Variants in NEK11 observed in about 807,000 individuals in gnomAD.
NEK11 encodes serine/threonine-protein kinase Nek11.
In NEK11, 72 loss-of-function variants were observed where a neutral mutation model predicts 80.7. The ratio of observed to expected loss-of-function variants is 0.89; its 90% CI spans 0.74 to 1.08. NEK11 has a LOEUF of 1.08. Ranked by LOEUF, NEK11 falls within the 50% of genes least tolerant of loss-of-function variation. NEK11 has a pLI of 0.00. For synonymous variants in NEK11, 251 were observed against 260.7 expected (o/e 0.96, Z 0.36); for missense variants, 764 against 763.6 (o/e 1.00, Z -0.01).
intron 14 of NEK11, among the ~76,000 whole-genome samples, chr3:131,220,338 T>G (rs925248187): frequency 3.3e-5 from 5 of 150,966 alleles, no homozygotes; most frequent in Non-Finnish European, 7.4e-5. Flanking sequence ...ATAATATTTT[T>G]ATTTTTAATG....
At chr3:131,237,930 C>T (rs922882082) in intron 15 of NEK11, among the ~76,000 whole-genome samples, 7 of 152,254 alleles carry the variant, frequency 4.6e-5, no homozygotes, top group African/African-American at 1.7e-4. Context: ...TCTTACTGGT[C>T]TCCTACTAAC....
chr3:131,243,398 A>C, intron 15 of NEK11, 38 bp from the exon 16 acceptor site: 1 of 1,589,868 alleles, frequency 6.3e-7, no homozygotes, highest in Non-Finnish European at 8.6e-7. Context: ...TCCTTCTACC[A>C]TACAGGGAAA....
intron 3 of NEK11, among the ~76,000 whole-genome samples, chr3:131,054,253 C>T (rs1213103995): frequency 6.6e-6 from 1 of 152,034 alleles, no homozygotes; most frequent in Non-Finnish European, 1.5e-5. Context: ...GAGGATTAAG[C>T]TTAGGAGGCA....
intron 17 of NEK11, among the ~76,000 whole-genome samples, chr3:131,284,845 C>A (rs2096451416): frequency 6.6e-6 from 1 of 152,196 alleles, no homozygotes; most frequent in Non-Finnish European, 1.5e-5. Flanking sequence ...CGGCCACAGA[C>A]TGAAGGCTGC....
At chr3:131,047,771 C>T (rs779201749) in intron 3 of NEK11, among the ~76,000 whole-genome samples, 1 of 152,138 alleles carries the variant, frequency 6.6e-6, no homozygotes, top group African/African-American at 2.4e-5. Flanking sequence ...CAGAAGGTGG[C>T]GCTTTCAAGA....
chr3:131,244,795 G>A (rs752463953), intron 16 of NEK11, among the ~76,000 whole-genome samples: 1 of 152,000 alleles, frequency 6.6e-6, no homozygotes. Flanking sequence ...ATGATAGCCT[G>A]TGCCTGGAGT....
chr3:131,311,698 T>C (rs777396259), intron 17 of NEK11, among the ~76,000 whole-genome samples: 3 of 152,212 alleles, frequency 2.0e-5, no homozygotes, highest in Non-Finnish European at 2.9e-5. Context: ...CAGAGTGTGC[T>C]AAGGCAGCTG....
At chr3:131,037,260 T>C (rs988364800) in intron 3 of NEK11, among the ~76,000 whole-genome samples, 1 of 150,286 alleles carries the variant, frequency 6.7e-6, no homozygotes, top group African/African-American at 2.4e-5. Context: ...ATTTGCACTG[T>C]AGTAATTAGA....
In NEK11 at chr3:131,085,269, ATTAT is replaced by A. The variant is rs1296490891; in HGVS notation, c.336+4687_336+4690del. On this transcript the variant is annotated intron_variant, in intron 4 of 17. Transcript: ENST00000383366. ...GTGTATGAATACGTTGGCAATCTGG[ATTAT>A]TTATTGATGCCTTATGAACTTGAAG... 2.6e-5 allele frequency among the ~76,000 whole-genome samples: 4 copies of A among 152,164 alleles called. 1 individual carries two copies. Among genetic ancestry groups the A allele is most frequent in the East Asian group, 1.9e-4 (1 of 5,202 alleles).
intron 15 of NEK11, among the ~76,000 whole-genome samples, chr3:131,238,387 C>G (rs949892678): frequency 1.4e-4 from 21 of 152,064 alleles, no homozygotes; most frequent in African/African-American, 4.3e-4. Context: ...GCACCTTGAA[C>G]AGTGTTTATC....
At chr3:131,178,974 C>G (rs1296666305) in intron 14 of NEK11, among the ~76,000 whole-genome samples, 1 of 152,158 alleles carries the variant, frequency 6.6e-6, no homozygotes, top group Non-Finnish European at 1.5e-5. Context: ...AATGTCTGCT[C>G]TCAAAAACTC....
At chr3:131,235,136 A>C (rs1278557498) in intron 15 of NEK11, among the ~76,000 whole-genome samples, 1 of 152,324 alleles carries the variant, frequency 6.6e-6, no homozygotes, top group South Asian at 2.1e-4. Flanking sequence ...CCACAGGTCA[A>C]TGGGCAAATA....
intron 3 of NEK11, among the ~76,000 whole-genome samples, chr3:131,075,750 T>C (rs1184064163): frequency 6.6e-6 from 1 of 152,172 alleles, no homozygotes; most frequent in Non-Finnish European, 1.5e-5. Context: ...TTACAGTTAT[T>C]TGTGGTAACA....
intron 14 of NEK11, among the ~76,000 whole-genome samples, chr3:131,221,677 T>C (rs1005169447): frequency 1.3e-5 from 2 of 152,208 alleles, no homozygotes; most frequent in African/African-American, 4.8e-5. Context: ...TTTAAAAAAA[T>C]TGTTAATGTA....
At chr3:131,246,357 GT>G (rs144757966) in intron 16 of NEK11, among the ~76,000 whole-genome samples, 7,461 of 152,134 alleles carry the variant, frequency 0.049, 255 homozygotes, top group East Asian at 0.18. Flanking sequence ...AGGATGTTTG[GT>G]TTTCCATTCC....
intron 5 of NEK11, among the ~76,000 whole-genome samples, chr3:131,126,893 A>T (rs2149521656): frequency 6.7e-6 from 1 of 150,282 alleles, no homozygotes; most frequent in East Asian, 2.0e-4. Flanking sequence ...ATATATTAGA[A>T]CTTTAAGCCT....
chr3:131,179,262 A>G (rs1014242550), intron 14 of NEK11, among the ~76,000 whole-genome samples: 8 of 152,214 alleles, frequency 5.3e-5, no homozygotes, highest in Non-Finnish European at 1.0e-4. Flanking sequence ...AGCCTCCAGG[A>G]CTGTGAGAAA....
chr3:131,335,438 C>T (rs1303331988), intron 17 of NEK11, among the ~76,000 whole-genome samples: 2 of 152,164 alleles, frequency 1.3e-5, no homozygotes, highest in Admixed American at 6.5e-5. Context: ...TAAAAACTCT[C>T]AATAAATTAG....
intron 14 of NEK11, among the ~76,000 whole-genome samples, chr3:131,187,526 A>T (rs1013001018): frequency 1.3e-5 from 2 of 152,150 alleles, no homozygotes; most frequent in Non-Finnish European, 2.9e-5. Flanking sequence ...TCAAATACTG[A>T]CAACATGTGT....
Sources: gnomAD v4.1 joint callset for allele counts (sites outside exome capture counted in the v4.1 genomes callset) on GRCh38, gnomAD v4.1.1 for gene constraint, MANE v1.5 for transcripts, NCBI Gene and HGNC (gene_info 2026-07-23, HGNC 2026-07-21) for gene names.